Variants in ENOX1 observed in about 807,000 individuals in gnomAD.
ENOX1 encodes the protein ecto-NOX disulfide-thiol exchanger 1, also known as candidate growth-related and time keeping constitutive hydroquinone (NADH) oxidase.
A neutral mutation model predicts 82.5 loss-of-function variants in ENOX1; 42 were observed. That is an observed-to-expected ratio of 0.51 (90% CI 0.40 to 0.66). The LOEUF is 0.66. ENOX1 is among the 30% of genes least tolerant of loss of function. ENOX1 has a pLI of 0.00. For synonymous variants in ENOX1, 271 were observed against 282.2 expected (o/e 0.96, Z 0.40); for missense variants, 608 against 811.6 (o/e 0.75, Z 3.05).
At chr13:43,465,113 C>T (rs2057661443) in intron 3 of ENOX1, among the ~76,000 whole-genome samples, 1 of 152,114 alleles carries the variant, frequency 6.6e-6, no homozygotes, top group South Asian at 2.1e-4. Context: ...GTTTACCAGG[C>T]TTTTTCACTG....
At chr13:43,392,404 T>A (rs2052839838) in intron 5 of ENOX1, among the ~76,000 whole-genome samples, 1 of 152,218 alleles carries the variant, frequency 6.6e-6, no homozygotes, top group South Asian at 2.1e-4. Flanking sequence ...TGAGGCCGGG[T>A]GCACTGGCTC....
chr13:43,553,633 G>A (rs2079303249), intron 2 of ENOX1, among the ~76,000 whole-genome samples: 1 of 152,194 alleles, frequency 6.6e-6, no homozygotes, highest in South Asian at 2.1e-4. Flanking sequence ...CAAACAAAAA[G>A]CATGATATAA....
intron 11 of ENOX1, among the ~76,000 whole-genome samples, chr13:43,321,535 A>G (rs1475538822): frequency 6.6e-6 from 1 of 152,234 alleles, no homozygotes; most frequent in Non-Finnish European, 1.5e-5. Context: ...TTAATAAATT[A>G]GTAAAGATCC....
chr13:43,359,780 GGAATAA>G, intron 7 of ENOX1, 65 bp downstream of exon 7: 1 of 1,412,104 alleles, frequency 7.1e-7, no homozygotes. Flanking sequence ...AAGGCCAAAG[GGAATAA>G]GCTCATATTA....
intron 1 of ENOX1, among the ~76,000 whole-genome samples, chr13:43,678,112 C>T (rs976010954): frequency 1.3e-5 from 2 of 152,012 alleles, no homozygotes; most frequent in Admixed American, 1.3e-4. Flanking sequence ...GGGAAGCTAC[C>T]ATCCTGAAAG....
intron 3 of ENOX1, among the ~76,000 whole-genome samples, chr13:43,465,428 A>G (rs1171010927): frequency 6.6e-6 from 1 of 151,948 alleles, no homozygotes; most frequent in African/African-American, 2.4e-5. Flanking sequence ...ACATGCCTAC[A>G]TCTTTTTGTT....
intron 3 of ENOX1, among the ~76,000 whole-genome samples, chr13:43,474,670 T>C (rs1258222646): frequency 1.3e-5 from 2 of 152,218 alleles, no homozygotes; most frequent in Non-Finnish European, 2.9e-5. Flanking sequence ...CTCTTCTTTA[T>C]TCTATTTCAA....
chr13:43,311,531 T>C (rs1424335254), intron 11 of ENOX1, among the ~76,000 whole-genome samples: 1 of 152,182 alleles, frequency 6.6e-6, no homozygotes, highest in Non-Finnish European at 1.5e-5. Context: ...CTCACACTTC[T>C]TTATGTTAGA....
intron 5 of ENOX1, among the ~76,000 whole-genome samples, chr13:43,362,156 TACACACACACACACAC>T (rs10531058): frequency 1.6e-3 from 230 of 145,810 alleles, no homozygotes; most frequent in South Asian, 3.1e-3. Context: ...TGCCCTGTAT[TACACACACACACACAC>T]ACACACACAC....
At chr13:43,318,857 T>C (rs1448512912) in intron 11 of ENOX1, among the ~76,000 whole-genome samples, 1 of 152,232 alleles carries the variant, frequency 6.6e-6, no homozygotes, top group African/African-American at 2.4e-5. Context: ...CTCACAATAC[T>C]AAAACGTATC....
In ENOX1 at chr13:43,705,734, C is replaced by A. The variant is rs568124058; in HGVS notation, c.-284-38190G>T. Among the ~76,000 whole-genome samples, 33 of 151,878 alleles carry A rather than the reference C, an allele frequency of 2.2e-4. No homozygotes were observed. The Middle Eastern group carries it at 0.014, about 63-fold the overall frequency. ...CACATAGTTGGAGATTTTTAACACCCCTCTCTTAGGAAATTATAAAACAAC... is the reference window on the plus strand; with the variant it reads ...CACATAGTTGGAGATTTTTAACACCACTCTCTTAGGAAATTATAAAACAAC... On this transcript the variant is annotated intron_variant, in intron 1 of 16. Coordinates refer to ENST00000690772, the MANE Select transcript of ENOX1 (RefSeq NM_001347969.2).
chr13:43,613,652 C>A (rs1340998320), intron 2 of ENOX1, among the ~76,000 whole-genome samples: 1 of 152,046 alleles, frequency 6.6e-6, no homozygotes, highest in Admixed American at 6.5e-5. Context: ...TATATGCCAA[C>A]AAATTAGATA....
At chr13:43,332,699 T>C (rs1309354622) in intron 9 of ENOX1, among the ~76,000 whole-genome samples, 1 of 152,176 alleles carries the variant, frequency 6.6e-6, no homozygotes, top group Non-Finnish European at 1.5e-5. Context: ...TATTAATGCA[T>C]ATATTTAAAA....
intron 1 of ENOX1, among the ~76,000 whole-genome samples, chr13:43,748,054 A>T (rs1950121425): frequency 6.6e-6 from 1 of 152,224 alleles, no homozygotes; most frequent in African/African-American, 2.4e-5. Flanking sequence ...TCACCACTTT[A>T]AAATTAGTGG....
chr13:43,279,082 G>A (rs2045229288), intron 12 of ENOX1, among the ~76,000 whole-genome samples: 1 of 152,180 alleles, frequency 6.6e-6, no homozygotes, highest in African/African-American at 2.4e-5. Flanking sequence ...TGGGCTAGGG[G>A]CTGGGGAGAA....
chr13:43,401,786 G>A (rs912556312), intron 5 of ENOX1, among the ~76,000 whole-genome samples: 1 of 152,110 alleles, frequency 6.6e-6, no homozygotes, highest in Non-Finnish European at 1.5e-5. Context: ...CTCAGAAACC[G>A]GATGAAATTA....
At chr13:43,565,717 G>C (rs750606343) in intron 2 of ENOX1, among the ~76,000 whole-genome samples, 5 of 152,138 alleles carry the variant, frequency 3.3e-5, no homozygotes, top group Non-Finnish European at 7.4e-5. Flanking sequence ...CAAATTAGCA[G>C]TTTGGACAAA....
intron 2 of ENOX1, among the ~76,000 whole-genome samples, chr13:43,490,070 C>A (rs1354320300): frequency 4.6e-5 from 7 of 152,134 alleles, no homozygotes; most frequent in Non-Finnish European, 7.4e-5. Flanking sequence ...TCCTGAGTAG[C>A]TGAGATTACA....
intron 1 of ENOX1, among the ~76,000 whole-genome samples, chr13:43,699,456 A>G (rs1437660135): frequency 6.6e-6 from 1 of 152,198 alleles, no homozygotes; most frequent in Non-Finnish European, 1.5e-5. Context: ...TCTGAATACT[A>G]AAGAACTTTT....
Sources: allele counts gnomAD v4.1 joint callset (sites outside exome capture counted in the v4.1 genomes callset), GRCh38; gene constraint gnomAD v4.1.1; transcripts MANE v1.5; gene names NCBI Gene and HGNC (gene_info 2026-07-23, HGNC 2026-07-21).